The following ATP11C variants were observed in gnomAD, a reference collection of about 807,000 sequenced individuals.
The protein encoded by ATP11C is phospholipid-transporting ATPase IG.
Under a neutral mutation model 97.4 loss-of-function variants are expected in ATP11C, and 36 were observed. The observed-to-expected ratio is 0.37, with a 90% CI of 0.28 to 0.49. The LOEUF is 0.49. ATP11C is among the 20% of genes least tolerant of loss of function. The pLI is 0.98. For synonymous variants in ATP11C, 275 were observed against 290.9 expected (o/e 0.95, Z 0.56); for missense variants, 730 against 824.6 (o/e 0.89, Z 1.40).
intron 16 of ATP11C, among the ~76,000 whole-genome samples, chrX:139,785,014 T>G (rs1435280976): frequency 8.9e-6 from 1 of 111,848 alleles, no homozygotes; most frequent in Non-Finnish European, 1.9e-5. Context: ...AGGCACACCC[T>G]GTCATAACAA....
chrX:139,763,516 C>G, intron 20 of ATP11C, 98 bp from the exon 21 acceptor site: 1 of 587,304 alleles, frequency 1.7e-6, no homozygotes, highest in Non-Finnish European at 2.8e-6. Flanking sequence ...TTGTAAATAG[C>G]AGCCTTGCAA....
At chrX:139,736,830 G>A (rs757971297) in intron 28 of ATP11C, among the ~76,000 whole-genome samples, 2 of 111,119 alleles carry the variant, frequency 1.8e-5, no homozygotes, top group Non-Finnish European at 3.8e-5. Flanking sequence ...CAGTTCTCTT[G>A]TTTTTGATTG....
At position 139,824,692 on chromosome X, in the gene ATP11C, CA is replaced by C. The variant is rs767752867; in HGVS notation, c.147+2011del. On this transcript the variant is annotated intron_variant, in intron 2 of 29. Coordinates refer to ENST00000682941, the MANE Select transcript of ATP11C (RefSeq NM_001353812.2). ...ACAGAGCGAGACTCTGTCTCCCCCC[CA>C]CAAAAAAAGCATTACTTTTATAAGC... Among the ~76,000 whole-genome samples the C allele has an allele frequency of 2.2e-4, 24 of 110,891 alleles. No individual in the cohort carries two copies. The South Asian group carries it at 2.3e-3, about 11-fold the overall frequency.
intron 28 of ATP11C, among the ~76,000 whole-genome samples, chrX:139,731,997 T>C (rs1189133458): frequency 9.0e-6 from 1 of 111,675 alleles, no homozygotes; most frequent in Non-Finnish European, 1.9e-5. Flanking sequence ...AACAGTAGTA[T>C]GTAGTAAACT....
At chrX:139,852,955 G>GT (rs2084022475) in intron 1 of ATP11C, among the ~76,000 whole-genome samples, 1 of 111,106 alleles carries the variant, frequency 9.0e-6, no homozygotes, top group African/African-American at 3.3e-5. Flanking sequence ...ACACCCCCTG[G>GT]TTTGAGGGGT....
chrX:139,919,559 T>C (rs1215268438), intron 1 of ATP11C, among the ~76,000 whole-genome samples: 1 of 109,918 alleles, frequency 9.1e-6, no homozygotes, highest in East Asian at 2.9e-4. Flanking sequence ...AGTTTAAACA[T>C]ACAATTACCA....
chrX:139,935,287 C>T (rs148459812), upstream of ATP11C, among the ~76,000 whole-genome samples: 892 of 112,040 alleles, frequency 8.0e-3, 5 homozygotes, highest in African/African-American at 0.027. Context: ...AGTATTGGGC[C>T]AGGCGCGGTG....
rs1443829275 is a variant in ATP11C at position 139,932,284 on chromosome X, G to T, written c.-242C>A. ...CGCCCCCGGCCTGCCTGACCCGGGG[G>T]CGGCGGCCCCGCGGATCGCCCTTAT... On this transcript the variant is annotated 5_prime_UTR_variant, in exon 1 of 30. Transcript: ENST00000682941. 9.0e-6 allele frequency: 1 copy of T among 111,010 alleles called. No homozygotes were observed. The highest frequency in any genetic ancestry group is 1.8e-5 in the Non-Finnish European group (1 of 54,514). The allele number at this position is 111,010 out of a possible 1,213,427, so 9.1% of individuals were successfully genotyped here.
rs1332675269 is a variant in ATP11C at position 139,932,158 on chromosome X, C to G, written c.-116G>C. On this transcript the variant is annotated 5_prime_UTR_variant, in exon 1 of 30. Transcript: ENST00000682941. ...GCGCCAAGCGGAGCAGCGAGGCGGG[C>G]GGCCGGGCCACCCGCTCGCCGCCTG... 2 of 679,415 alleles carry G rather than the reference C, an allele frequency of 2.9e-6. No individual in the cohort carries two copies. The highest frequency in any genetic ancestry group is 6.9e-5 in the Admixed American group (1 of 14,551). The allele number at this position is 679,415 out of a possible 1,213,427, so 56.0% of individuals were successfully genotyped here. A position where few individuals can be genotyped will look rare whatever the true frequency, so the allele number is the denominator to read the frequency against.
chrX:139,810,045 CAT>C (rs1461710860), intron 5 of ATP11C, among the ~76,000 whole-genome samples: 8 of 112,080 alleles, frequency 7.1e-5, no homozygotes, highest in Non-Finnish European at 1.1e-4. Flanking sequence ...AAAATAGTAA[CAT>C]ATTGTGGGCT....
chrX:139,782,942 A>C (rs111373270), intron 17 of ATP11C, among the ~76,000 whole-genome samples: 3 of 112,264 alleles, frequency 2.7e-5, no homozygotes, highest in African/African-American at 9.7e-5. Flanking sequence ...GTTGTTGAAA[A>C]GTCTTTTAAG....
At chrX:139,754,476 T>TA (rs962601243) in intron 23 of ATP11C, among the ~76,000 whole-genome samples, 3 of 112,084 alleles carry the variant, frequency 2.7e-5, no homozygotes, top group African/African-American at 9.7e-5. Flanking sequence ...GACTCCTCCC[T>TA]AAATCATTCT....
intron 25 of ATP11C, among the ~76,000 whole-genome samples, chrX:139,745,144 A>G (rs1341751849): frequency 9.0e-6 from 1 of 111,278 alleles, no homozygotes; most frequent in Non-Finnish European, 1.9e-5. Flanking sequence ...GCCATCAGTA[A>G]TTTTCTCCTA....
At chrX:139,912,753 T>TATTTC (rs10652277) in intron 1 of ATP11C, among the ~76,000 whole-genome samples, 45 of 109,433 alleles carry the variant, frequency 4.1e-4, no homozygotes, top group South Asian at 7.8e-4. Context: ...GTATGATTTT[T>TATTTC]GATTGCACTG....
At chrX:139,744,016 T>C (rs2081626179) in intron 25 of ATP11C, among the ~76,000 whole-genome samples, 1 of 111,809 alleles carries the variant, frequency 8.9e-6, no homozygotes, top group African/African-American at 3.2e-5. Context: ...GAACTAAACC[T>C]CTCAAATGAG....
intron 15 of ATP11C, among the ~76,000 whole-genome samples, chrX:139,785,554 T>C (rs951220707): frequency 9.0e-6 from 1 of 110,691 alleles, no homozygotes; most frequent in African/African-American, 3.3e-5. Flanking sequence ...CACATAAAAA[T>C]GGAAGATAAA....
At chrX:139,882,154 G>T (rs1448874372) in intron 1 of ATP11C, among the ~76,000 whole-genome samples, 2 of 111,131 alleles carry the variant, frequency 1.8e-5, no homozygotes, top group African/African-American at 6.5e-5. Flanking sequence ...TCCTGTAATA[G>T]GTGGTAGGGG....
chrX:139,914,353 T>C (rs752754253), intron 1 of ATP11C, among the ~76,000 whole-genome samples: 288 of 112,399 alleles, frequency 2.6e-3, no homozygotes, highest in Non-Finnish European at 4.8e-3. Flanking sequence ...ATTTTACAGA[T>C]GGGAAGTCTA....
chrX:139,757,249 T>C (rs1176466647), intron 23 of ATP11C, among the ~76,000 whole-genome samples: 1 of 111,503 alleles, frequency 9.0e-6, no homozygotes, highest in African/African-American at 3.3e-5. Flanking sequence ...TACCTCCCAC[T>C]AGAAGCAATG....
Sources: gnomAD v4.1 joint callset for allele counts (sites outside exome capture counted in the v4.1 genomes callset) on GRCh38, gnomAD v4.1.1 for gene constraint, MANE v1.5 for transcripts, NCBI Gene and HGNC (gene_info 2026-07-23, HGNC 2026-07-21) for gene names.